The following WSCD2 variants were observed in gnomAD, a reference collection of about 807,000 sequenced individuals.
WSCD2 encodes sialate:O-sulfotransferase 2.
In WSCD2, 28 loss-of-function variants were observed where a neutral mutation model predicts 55.7. That is an observed-to-expected ratio of 0.50 (90% CI 0.37 to 0.69). The LOEUF is 0.69. Among genes scored for constraint, WSCD2 ranks in the 30% least tolerant of loss-of-function variants. The probability of loss-of-function intolerance (pLI) is 0.00; values close to 1 mark genes in which losing one functional copy is unlikely to be tolerated. For synonymous variants in WSCD2, 301 were observed against 301.9 expected (o/e 1.00, Z 0.03); for missense variants, 616 against 762.1 (o/e 0.81, Z 2.26).
intron 1 of WSCD2, among the ~76,000 whole-genome samples, chr12:108,172,194 A>G (rs1880315938): frequency 6.6e-6 from 1 of 152,212 alleles, no homozygotes; most frequent in Non-Finnish European, 1.5e-5. Flanking sequence ...CAGAGAGGTT[A>G]GGTAACTTGT....
At chr12:108,206,141 C>T in intron 2 of WSCD2, 148 bp from the exon 3 acceptor site, 1 of 681,556 alleles carries the variant, frequency 1.5e-6, no homozygotes. Flanking sequence ...AGACAAATGA[C>T]TTTCACTCTC....
At chr12:108,200,376 G>A (rs1884505565) in intron 2 of WSCD2, among the ~76,000 whole-genome samples, 1 of 152,208 alleles carries the variant, frequency 6.6e-6, no homozygotes, top group South Asian at 2.1e-4. Flanking sequence ...AGGCAGAGCT[G>A]ACTCCAGCCC....
intron 3 of WSCD2, among the ~76,000 whole-genome samples, chr12:108,209,034 T>C (rs1318695440): frequency 6.6e-6 from 1 of 152,224 alleles, no homozygotes; most frequent in Non-Finnish European, 1.5e-5. Flanking sequence ...TGGGTTTTCC[T>C]GAACCTCAGT....
At chr12:108,246,243 T>G (rs1890072770) in intron 8 of WSCD2, among the ~76,000 whole-genome samples, 1 of 152,222 alleles carries the variant, frequency 6.6e-6, no homozygotes, top group Non-Finnish European at 1.5e-5. Flanking sequence ...TCAGCAGGAT[T>G]AAATAAGATA....
In WSCD2 at chr12:108,135,083, A is replaced by G. The variant is rs75628058; in HGVS notation, c.-552+5157A>G. Among the ~76,000 whole-genome samples the G allele has an allele frequency of 9.0e-3, 1,373 of 152,294 alleles. 18 individuals are homozygous for G. The highest frequency in any genetic ancestry group is 0.032 in the African/African-American group (1,321 of 41,560). ...AGTGAATCATGTCACAGAAGTGGGAATTGTCTATTTGAATGTGGTGAGATT... is the reference window on the plus strand; with the variant it reads ...AGTGAATCATGTCACAGAAGTGGGAGTTGTCTATTTGAATGTGGTGAGATT... On this transcript the variant is annotated intron_variant, in intron 1 of 8. Transcript: ENST00000547525.
intron 1 of WSCD2, among the ~76,000 whole-genome samples, chr12:108,154,119 G>A (rs1413413404): frequency 6.6e-6 from 1 of 152,224 alleles, no homozygotes; most frequent in Non-Finnish European, 1.5e-5. Context: ...CTCAGAGTGG[G>A]TAGATGGTGT....
rs148877572 is a variant in WSCD2, at chr12:108,208,237, TA to T, written c.497+1836del. On this transcript the variant is annotated intron_variant, in intron 3 of 8. Coordinates refer to ENST00000547525, the MANE Select transcript of WSCD2 (RefSeq NM_014653.4). ...TGAACAATAGGCTTGGGCAATAGAA[TA>T]ACAACAGTTTATAACAGTTAAAAAG... Among the ~76,000 whole-genome samples the T allele has an allele frequency of 6.7e-3, 1,021 of 152,316 alleles. 22 individuals carry two copies. Among genetic ancestry groups the T allele is most frequent in the African/African-American group, 0.024 (980 of 41,584 alleles).
intron 1 of WSCD2, among the ~76,000 whole-genome samples, chr12:108,142,924 C>G (rs569293909): frequency 6.6e-6 from 1 of 152,278 alleles, no homozygotes; most frequent in African/African-American, 2.4e-5. Context: ...GATACTCCTG[C>G]CTCAGCCTCC....
At chr12:108,205,920 A>G (rs1483811356) in intron 2 of WSCD2, among the ~76,000 whole-genome samples, 2 of 152,200 alleles carry the variant, frequency 1.3e-5, no homozygotes, top group African/African-American at 4.8e-5. Flanking sequence ...CAGCTTGTAG[A>G]GATAGCAACA....
At chr12:108,236,868 C>T (rs1889316698) in intron 7 of WSCD2, among the ~76,000 whole-genome samples, 2 of 152,162 alleles carry the variant, frequency 1.3e-5, no homozygotes, top group African/African-American at 4.8e-5. Flanking sequence ...CCTCTCCCTG[C>T]CTCTCCCCAT....
chr12:108,174,781 A>G (rs746855138), intron 1 of WSCD2, among the ~76,000 whole-genome samples: 6 of 152,106 alleles, frequency 3.9e-5, no homozygotes, highest in Non-Finnish European at 7.4e-5. Context: ...CACCTGGCTA[A>G]CTTTAAAACG....
At chr12:108,232,597 T>C in intron 6 of WSCD2, 134 bp from the exon 7 acceptor site, 1 of 821,872 alleles carries the variant, frequency 1.2e-6, no homozygotes, top group Non-Finnish European at 1.8e-6. Context: ...AGCTTTCCCA[T>C]GACCCACGCA....
chr12:108,186,741 G>A (rs941675641), intron 1 of WSCD2, among the ~76,000 whole-genome samples: 2 of 152,128 alleles, frequency 1.3e-5, no homozygotes, highest in Non-Finnish European at 2.9e-5. Context: ...CATGATTGCT[G>A]GATCGTATGG....
chr12:108,159,980 G>A (rs1878899133), intron 1 of WSCD2, among the ~76,000 whole-genome samples: 1 of 152,194 alleles, frequency 6.6e-6, no homozygotes, highest in African/African-American at 2.4e-5. Context: ...AGGGCTCTGC[G>A]AGGGGCCTTC....
chr12:108,139,842 C>G (rs985551587), intron 1 of WSCD2, among the ~76,000 whole-genome samples: 4 of 152,236 alleles, frequency 2.6e-5, no homozygotes, highest in Admixed American at 2.6e-4. Flanking sequence ...CTCTCTCACA[C>G]TGGCTGAAGC....
At chr12:108,168,551 CTT>C in intron 1 of WSCD2, among the ~76,000 whole-genome samples, 1 of 152,092 alleles carries the variant, frequency 6.6e-6, no homozygotes, top group Non-Finnish European at 1.5e-5. Flanking sequence ...TACTGAATGA[CTT>C]TGGACAAGTT....
chr12:108,165,883 C>A (rs1367819203), intron 1 of WSCD2, among the ~76,000 whole-genome samples: 1 of 152,180 alleles, frequency 6.6e-6, no homozygotes, highest in Non-Finnish European at 1.5e-5. Flanking sequence ...AGCCCGGCAC[C>A]ATTACCTGCC....
intron 3 of WSCD2, among the ~76,000 whole-genome samples, chr12:108,206,639 T>G (rs937708834): frequency 1.3e-5 from 2 of 152,256 alleles, no homozygotes; most frequent in Admixed American, 1.3e-4. Flanking sequence ...CTGTGTCATA[T>G]TGTGTCTAGG....
At chr12:108,188,277 G>A (rs1389473946) in intron 1 of WSCD2, among the ~76,000 whole-genome samples, 6 of 152,112 alleles carry the variant, frequency 3.9e-5, no homozygotes, top group African/African-American at 1.4e-4. Context: ...GCAAGTGTAG[G>A]GGGCAACATA....
Sources: allele counts gnomAD v4.1 joint callset (sites outside exome capture counted in the v4.1 genomes callset), GRCh38; gene constraint gnomAD v4.1.1; transcripts MANE v1.5; gene names NCBI Gene and HGNC (gene_info 2026-07-23, HGNC 2026-07-21).